Variants in NUP85 observed in about 807,000 individuals in gnomAD.
The protein encoded by NUP85 is nucleoporin 85.
A neutral mutation model predicts 92.8 loss-of-function variants in NUP85; 23 were observed. The observed-to-expected ratio is 0.25, with a 90% CI of 0.18 to 0.35. NUP85 has a LOEUF of 0.35. NUP85 is among the 10% of genes least tolerant of loss of function. NUP85 has a pLI of 1.00. For synonymous variants in NUP85, 314 were observed against 306.9 expected, an observed-to-expected ratio of 1.02 and a Z score of -0.24; for missense variants, 759 against 822.8, an observed-to-expected ratio of 0.92 and a Z score of 0.95.
rs776590104 is a variant in NUP85, at chr17:75,218,284, A to G, written c.575A>G (p.Lys192Arg). The change falls in exon 7 of 19, where the codon AAA (lysine) becomes AGA (arginine). Residue 192 changes from lysine (K) to arginine (R), a missense_variant. Transcript: ENST00000245544. ...GTTCTGGGCAGTGAGAATCCAAGCA[A>G]ACATGACAGCTTCTGGAACTTGGTA... ...ADVLGSENPSKHDSFWNLVTI... is the reference protein window; with the variant it reads ...ADVLGSENPSRHDSFWNLVTI... 4.3e-6 allele frequency: 7 copies of G among 1,613,664 alleles called. No homozygotes were observed. In the South Asian group the frequency reaches 7.7e-5, roughly 18 times the overall value.
At chr17:75,206,181 C>T (rs945818228) in intron 1 of NUP85, among the ~76,000 whole-genome samples, 2 of 152,094 alleles carry the variant, frequency 1.3e-5, no homozygotes. Flanking sequence ...GCCTGTGTGG[C>T]CTAAGGTTTA....
intron 6 of NUP85, among the ~76,000 whole-genome samples, chr17:75,217,879 A>G (rs931257157): frequency 1.3e-5 from 2 of 152,082 alleles, no homozygotes; most frequent in Non-Finnish European, 2.9e-5. Context: ...AACGGCCATT[A>G]CTTATGTAGC....
intron 3 of NUP85, among the ~76,000 whole-genome samples, chr17:75,211,429 CTT>C (rs35830323): frequency 0.033 from 4,551 of 139,230 alleles, 94 homozygotes; most frequent in Non-Finnish European, 0.047. Flanking sequence ...CTGTCTTATT[CTT>C]TTTTTTTTTT....
Position 75,226,228 on chromosome 17 carries a change from G to A in NUP85, c.1094+71G>A. 6.9e-6 allele frequency: 9 copies of A among 1,300,236 alleles called. No individual in the cohort carries two copies. In the South Asian group the frequency reaches 1.1e-4, roughly 16 times the overall value. The allele number at this position is 1,300,236 out of a possible 1,614,324, so 80.5% of individuals were successfully genotyped here. A position where few individuals can be genotyped will look rare whatever the true frequency, so the allele number is the denominator to read the frequency against. ...AATATCACCACCTTGCGTTTCTAGA[G>A]TGGCCTGTTCCTTCCTTACCCTTCT... On this transcript the variant is annotated intron_variant, in intron 11 of 18. Coordinates refer to ENST00000245544, the MANE Select transcript of NUP85 (RefSeq NM_024844.5).
intron 2 of NUP85, among the ~76,000 whole-genome samples, chr17:75,208,852 C>T (rs2075170799): frequency 6.6e-6 from 1 of 152,110 alleles, no homozygotes; most frequent in African/African-American, 2.4e-5. Context: ...AAGTGATCCT[C>T]TGCCTCAGTC....
rs749466151 is a variant in NUP85, at chr17:75,212,071, T to A, written c.361+9T>A. The A allele has an allele frequency of 3.2e-6, 5 of 1,572,958 alleles. No homozygotes were observed. In the East Asian group the frequency reaches 1.1e-4, roughly 36 times the overall value. On this transcript the variant is annotated intron_variant, in intron 4 of 18. Coordinates refer to ENST00000245544, the MANE Select transcript of NUP85 (RefSeq NM_024844.5). ...AATGCACCAGGTTGCAAGTAAGGAC[T>A]GTGTGCGCGTGCGCGCGTGTGTGTG...
At chr17:75,220,046 AGGGT>A (rs1598292334) in intron 7 of NUP85, among the ~76,000 whole-genome samples, 1 of 152,138 alleles carries the variant, frequency 6.6e-6, no homozygotes, top group East Asian at 1.9e-4. Flanking sequence ...CCTACATAGC[AGGGT>A]GACTAACAAC....
At chr17:75,227,681 G>A (rs1386800788) in intron 11 of NUP85, among the ~76,000 whole-genome samples, 6 of 147,434 alleles carry the variant, frequency 4.1e-5, no homozygotes, top group South Asian at 2.2e-4. Context: ...TTTGTCACCC[G>A]GGCTGGAGTG....
At chr17:75,227,525 C>T (rs1338554850) in intron 11 of NUP85, among the ~76,000 whole-genome samples, 2 of 151,940 alleles carry the variant, frequency 1.3e-5, no homozygotes, top group Admixed American at 6.6e-5. Flanking sequence ...TCAATAGAGA[C>T]AGGGTTTCAC....
chr17:75,209,697 C>T, intron 2 of NUP85, 126 bp from the exon 3 acceptor site: 1 of 686,558 alleles, frequency 1.5e-6, no homozygotes, highest in Non-Finnish European at 2.3e-6. Context: ...CTGCCTTGGC[C>T]TCCCAAAGTG....
intron 1 of NUP85, among the ~76,000 whole-genome samples, chr17:75,207,734 T>A (rs112153512): frequency 6.6e-6 from 1 of 152,142 alleles, no homozygotes; most frequent in Admixed American, 6.5e-5. Context: ...TGCCTCGGCC[T>A]CCCAAAGTGC....
chr17:75,218,925 C>A (rs992662159), intron 7 of NUP85, among the ~76,000 whole-genome samples: 3 of 151,960 alleles, frequency 2.0e-5, no homozygotes, highest in African/African-American at 7.3e-5. Flanking sequence ...TGATATAAAA[C>A]CAATTGACAG....
At chr17:75,234,521 G>A in intron 16 of NUP85, 116 bp from the exon 17 acceptor site, 1 of 940,288 alleles carries the variant, frequency 1.1e-6, no homozygotes, top group African/African-American at 1.6e-5. Context: ...CTGCTTTGTG[G>A]AGTGGCTGGT....
rs867668037 is a variant in NUP85, at chr17:75,227,336, T to G, written c.1094+1179T>G. Among the ~76,000 whole-genome samples the G allele has an allele frequency of 4.8e-3, 699 of 145,654 alleles. 20 individuals carry two copies. The highest frequency in any genetic ancestry group is 0.015 in the African/African-American group (580 of 39,428). On this transcript the variant is annotated intron_variant, in intron 11 of 18. Transcript: ENST00000245544. Reference sequence around the variant, plus strand: ...TGTGTTTGTTTCTGGGTTTTTTTTTTTTTTTTTTTTTTTTTTGAGACAGAG... The same window carrying G: ...TGTGTTTGTTTCTGGGTTTTTTTTTGTTTTTTTTTTTTTTTTGAGACAGAG...
intron 4 of NUP85, 32 bp downstream of exon 4, chr17:75,212,094 G>GTT (rs770507299): frequency 7.3e-7 from 1 of 1,366,646 alleles, no homozygotes; most frequent in Admixed American, 2.1e-5. Context: ...GCGCGTGTGT[G>GTT]TGTGTGTGTG....
At chr17:75,232,071 C>T (rs1352836666) in intron 14 of NUP85, 92 bp downstream of exon 14, 1 of 1,397,024 alleles carries the variant, frequency 7.2e-7, no homozygotes, top group Non-Finnish European at 9.8e-7. Flanking sequence ...AGCCATCCTC[C>T]TCCTCACGAG....
At chr17:75,215,940 C>A in intron 6 of NUP85, 117 bp downstream of exon 6, 1 of 914,474 alleles carries the variant, frequency 1.1e-6, no homozygotes, top group Non-Finnish European at 1.7e-6. Flanking sequence ...TTCTTTCCAT[C>A]ATTATAACCA....
rs574988208 is a variant in NUP85, at chr17:75,232,939, T to C, written c.1485T>C (p.Asp495=). 6.2e-7 allele frequency: 1 copy of C among 1,614,240 alleles called. No individual in the cohort carries two copies. The highest frequency in any genetic ancestry group is 1.1e-5 in the South Asian group (1 of 91,086). The part of the protein sequence containing the change: ...SALSWSIRAK[D]AAFATLVSDR... ...TCTCTTGGAGCATCCGTGCTAAGGA[T>C]GCCGCCTTTGCCACGCTCGTGTCAG... is the stretch of plus-strand genomic sequence containing the variant. The change falls in exon 15 of 19, where the codon GAT becomes GAC. Residue 495 remains aspartate (D), a synonymous_variant. Coordinates refer to ENST00000245544, the MANE Select transcript of NUP85 (RefSeq NM_024844.5).
chr17:75,228,701 A>ACT (rs1305663803), intron 11 of NUP85: 1 of 985,270 alleles, frequency 1.0e-6, no homozygotes, highest in East Asian at 1.1e-4. Context: ...GCATTAGAAA[A>ACT]AAGGTTTCTT....
Sources: gnomAD v4.1 joint callset for allele counts (sites outside exome capture counted in the v4.1 genomes callset) on GRCh38, gnomAD v4.1.1 for gene constraint, MANE v1.5 for transcripts, NCBI Gene and HGNC (gene_info 2026-07-23, HGNC 2026-07-21) for gene names.